The following HEXIM2 variants were observed in gnomAD, a reference collection of about 807,000 sequenced individuals.
HEXIM2 encodes HEXIM P-TEFb complex subunit 2, also known as protein HEXIM2.
For synonymous variants in HEXIM2, 159 were observed against 162.7 expected (o/e 0.98, Z 0.17); for missense variants, 413 against 390.8 (o/e 1.06, Z -0.48).
rs186485389 is a variant in HEXIM2 at position 45,169,710 on chromosome 17, C to T, written c.762C>T (p.Ala254=). The part of the protein sequence containing the change: ...QSCRQVEELA[A]EVQRLRTENQ... ...GCCGCCAGGTGGAGGAGCTGGCTGC[C>T]GAGGTCCAGAGGCTCCGGACCGAAA... The change falls in exon 4 of 4, where the codon GCC becomes GCT. Residue 254 remains alanine (A), a synonymous_variant. Coordinates refer to ENST00000589230, the MANE Select transcript of HEXIM2 (RefSeq NM_001303441.2). 7.1e-5 allele frequency: 108 copies of T among 1,528,390 alleles called. No individual in the cohort carries two copies. The highest frequency in any genetic ancestry group is 6.8e-4 in the African/African-American group (49 of 72,338). The allele number at this position is 1,528,390 out of a possible 1,614,324, so 94.7% of individuals were successfully genotyped here.
At chr17:45,168,232 A>T (rs2042918535) in intron 3 of HEXIM2, among the ~76,000 whole-genome samples, 1 of 148,482 alleles carries the variant, frequency 6.7e-6, no homozygotes. Context: ...CTGTAATCTC[A>T]GCACTTTGGG....
upstream of HEXIM2, among the ~76,000 whole-genome samples, chr17:45,160,533 A>G (rs1275728958): frequency 2.0e-5 from 3 of 152,032 alleles, no homozygotes; most frequent in Non-Finnish European, 4.4e-5. Context: ...AAGTTGTGTA[A>G]AAGTTAAGAC....
At chr17:45,160,394 G>A (rs1020035414), upstream of HEXIM2, among the ~76,000 whole-genome samples, 1 of 151,556 alleles carries the variant, frequency 6.6e-6, no homozygotes, top group Non-Finnish European at 1.5e-5. Flanking sequence ...AAAATACTCT[G>A]ACTTTGTTTA....
upstream of HEXIM2, chr17:45,161,078 A>C: frequency 1.6e-6 from 1 of 623,868 alleles, no homozygotes; most frequent in Non-Finnish European, 2.6e-6. Flanking sequence ...CCACCTCTCC[A>C]GTCGAAGTGG....
At chr17:45,162,280 G>A (rs778884897) in intron 1 of HEXIM2, among the ~76,000 whole-genome samples, 2 of 152,206 alleles carry the variant, frequency 1.3e-5, no homozygotes, top group Non-Finnish European at 2.9e-5. Context: ...TGGGGAGAAG[G>A]TTGGGGGTGC....
rs748603320 is a variant in HEXIM2 at position 45,169,048 on chromosome 17, C to A, written c.100C>A (p.Pro34Thr). ...SGAPGSPQTP[P>T]ERHDSGGSLP... ...TGCCCCGGGGAGCCCCCAAACACCCCCTGAGCGTCATGACTCTGGTGGTTC... is the reference window on the plus strand; with the variant it reads ...TGCCCCGGGGAGCCCCCAAACACCCACTGAGCGTCATGACTCTGGTGGTTC... Residue 34 changes from proline (P) to threonine (T), a missense_variant, in exon 4 of 4, where the codon CCT (proline) becomes ACT (threonine). Coordinates refer to ENST00000589230, the MANE Select transcript of HEXIM2 (RefSeq NM_001303441.2). 3.1e-6 allele frequency: 5 copies of A among 1,613,624 alleles called. No homozygotes were observed. Among genetic ancestry groups the A allele is most frequent in the Admixed American group, 1.7e-5 (1 of 59,988 alleles).
At chr17:45,164,120 A>G (rs1305676746) in intron 3 of HEXIM2, among the ~76,000 whole-genome samples, 1 of 150,518 alleles carries the variant, frequency 6.6e-6, no homozygotes, top group African/African-American at 2.5e-5. Context: ...GTGCCATTGC[A>G]CTCCAGCTTG....
intron 3 of HEXIM2, 26 bp downstream of exon 3, chr17:45,162,885 C>G: frequency 6.7e-7 from 1 of 1,483,108 alleles, no homozygotes; most frequent in Non-Finnish European, 9.4e-7. Flanking sequence ...CCTGCCCACC[C>G]AAGCACCACG....
Position 45,170,017 on chromosome 17 carries a change from T to C in HEXIM2, c.*208T>C. On this transcript the variant is annotated 3_prime_UTR_variant, in exon 4 of 4. Transcript: ENST00000589230. Reference sequence around the variant, plus strand: ...TCTTACCCTTTACAGAGAAATTAAATGGCCTTGGTGGGACCAAATGGGAGT... The same window carrying C: ...TCTTACCCTTTACAGAGAAATTAAACGGCCTTGGTGGGACCAAATGGGAGT... The C allele has an allele frequency of 2.2e-6, 1 of 448,108 alleles. No individual in the cohort carries two copies. Among genetic ancestry groups the C allele is most frequent in the Non-Finnish European group, 3.9e-6 (1 of 257,196 alleles). The allele number at this position is 448,108 out of a possible 1,614,324, so 27.8% of individuals were successfully genotyped here.
upstream of HEXIM2, chr17:45,161,752 T>C (rs2042700235): frequency 2.4e-6 from 2 of 825,668 alleles, no homozygotes; most frequent in African/African-American, 2.0e-5. Flanking sequence ...GCGCGCGGTC[T>C]GCCCCCGCGC....
intron 3 of HEXIM2, 169 bp from the exon 4 acceptor site, chr17:45,168,846 C>CAGTA: frequency 1.4e-6 from 1 of 698,676 alleles, no homozygotes; most frequent in African/African-American, 1.8e-5. Context: ...GGGGGACAGA[C>CAGTA]AGTAGACAGG....
At position 45,169,363 on chromosome 17, in the gene HEXIM2, G is replaced by C; in HGVS notation, c.415G>C (p.Ala139Pro). 1 of 1,613,894 alleles carries C rather than the reference G, an allele frequency of 6.2e-7. No individual in the cohort carries two copies. The highest frequency in any genetic ancestry group is 1.1e-5 in the South Asian group (1 of 91,074). The change falls in exon 4 of 4, where the codon GCC becomes CCC. Residue 139 changes from alanine to proline, a missense_variant. Transcript: ENST00000589230. ...GATGTTCGCCAAAGGCCAGCCCGTG[G>C]CCCCCTACAACACCACCCAGTTCCT... ...EEMFAKGQPV[A>P]PYNTTQFLMN...
At position 45,169,406 on chromosome 17, in the gene HEXIM2, C is replaced by T. The variant is rs2042961959; in HGVS notation, c.458C>T (p.Pro153Leu). 3.1e-6 allele frequency: 5 copies of T among 1,613,986 alleles called. No individual in the cohort carries two copies. The highest frequency in any genetic ancestry group is 4.5e-5 in the East Asian group (2 of 44,888). Residue 153 changes from proline to leucine, a missense_variant, in exon 4 of 4, where the codon CCG becomes CTG. Physicochemically the swap from Pro to Leu is moderately conservative, Grantham distance 98. Transcript: ENST00000589230. Reference protein sequence around the residue: ...TTQFLMNDRDPEEPNLDVPHG... With the variant: ...TTQFLMNDRDLEEPNLDVPHG... ...CAGTTCCTGATGAATGACAGGGACC[C>T]GGAGGAGCCCAACTTGGATGTGCCC...
chr17:45,164,698 A>C (rs1287846094), intron 3 of HEXIM2, among the ~76,000 whole-genome samples: 1 of 152,184 alleles, frequency 6.6e-6, no homozygotes, highest in East Asian at 1.9e-4. Flanking sequence ...AGGAGAGAGA[A>C]AGATCATATC....
At chr17:45,163,231 CAGG>C (rs2144048810) in intron 3 of HEXIM2, among the ~76,000 whole-genome samples, 1 of 143,310 alleles carries the variant, frequency 7.0e-6, no homozygotes, top group East Asian at 2.0e-4. Flanking sequence ...GAGGTTGAGG[CAGG>C]AGAATCGCTT....
chr17:45,160,206 A>G (rs1467703218), upstream of HEXIM2, among the ~76,000 whole-genome samples: 1 of 152,188 alleles, frequency 6.6e-6, no homozygotes, highest in Admixed American at 6.5e-5. Flanking sequence ...GCTATAATGT[A>G]AGGTTAAGAG....
At chr17:45,168,050 A>AT (rs1387814710) in intron 3 of HEXIM2, among the ~76,000 whole-genome samples, 2 of 145,526 alleles carry the variant, frequency 1.4e-5, no homozygotes, top group East Asian at 4.2e-4. Context: ...CGCCCGGCTT[A>AT]TTTTTGTATT....
At chr17:45,160,904 C>A (rs139673020), upstream of HEXIM2, 566 of 1,289,694 alleles carry the variant, frequency 4.4e-4, 1 homozygote, top group African/African-American at 7.7e-3. Context: ...CGTGGTTTTT[C>A]GCAACCCGGG....
intron 3 of HEXIM2, 82 bp from the exon 4 acceptor site, chr17:45,168,933 T>G (rs1156494570): frequency 4.5e-6 from 6 of 1,335,860 alleles, no homozygotes; most frequent in Non-Finnish European, 6.1e-6. Flanking sequence ...GAAGGTAGGC[T>G]TCAGGCTAGG....
Sources: gnomAD v4.1 joint callset for allele counts (sites outside exome capture counted in the v4.1 genomes callset) on GRCh38, gnomAD v4.1.1 for gene constraint, MANE v1.5 for transcripts, NCBI Gene and HGNC (gene_info 2026-07-23, HGNC 2026-07-21) for gene names.